Variants in CYLC2 observed in about 807,000 individuals in gnomAD.
The protein encoded by CYLC2 is cylicin-2.
A neutral mutation model predicts 26.1 loss-of-function variants in CYLC2; 30 were observed. That is an observed-to-expected ratio of 1.15 (90% CI 0.86 to 1.56). The LOEUF (loss-of-function observed/expected upper bound fraction) is 1.56, where lower values mean the gene tolerates loss of function less well. CYLC2 is among the 40% of genes most tolerant of loss of function. The pLI is 0.00. For synonymous variants in CYLC2, 158 were observed against 132.8 expected (o/e 1.19, Z -1.31); for missense variants, 498 against 394.4 (o/e 1.26, Z -2.23).
chr9:103,013,502 A>G (rs1156287801), intron 6 of CYLC2, among the ~76,000 whole-genome samples: 3 of 111,476 alleles, frequency 2.7e-5, no homozygotes, highest in Non-Finnish European at 4.9e-5. Flanking sequence ...TACATATATT[A>G]TATTTGTAAG....
chr9:102,998,150 T>C (rs1171215433), intron 1 of CYLC2, among the ~76,000 whole-genome samples: 1 of 151,954 alleles, frequency 6.6e-6, no homozygotes, highest in Non-Finnish European at 1.5e-5. Flanking sequence ...TTAATCTTGG[T>C]AAATATGAGG....
At chr9:102,996,106 C>T (rs1451035962) in intron 1 of CYLC2, among the ~76,000 whole-genome samples, 1 of 151,622 alleles carries the variant, frequency 6.6e-6, no homozygotes, top group African/African-American at 2.4e-5. Context: ...CTTAATTTAG[C>T]AGTATTGTTA....
At chr9:103,016,272 T>C (rs749536204) in intron 6 of CYLC2, among the ~76,000 whole-genome samples, 1 of 151,884 alleles carries the variant, frequency 6.6e-6, no homozygotes, top group East Asian at 1.9e-4. Context: ...TGATAAATTA[T>C]TGGGTAAACA....
Position 103,005,645 on chromosome 9 carries a change from T to A in CYLC2, c.1014T>A (p.Asp338Glu). 3.7e-6 allele frequency: 6 copies of A among 1,611,214 alleles called. No individual in the cohort carries two copies. The highest frequency in any genetic ancestry group is 5.1e-6 in the Non-Finnish European group (6 of 1,179,196). The change falls in exon 5 of 8, where the codon GAT becomes GAA. Residue 338 changes from aspartate (D) to glutamate (E), a missense_variant. Coordinates refer to ENST00000374798, the MANE Select transcript of CYLC2 (RefSeq NM_001340.5). ...KKDAKKNAKK[D>E]EKKDAKKKGK Reference sequence around the variant, plus strand: ...ATGCAAAGAAGAATGCAAAGAAGGATGAAAAGAAGGATGCAAAGAAGAAGG... The same window carrying A: ...ATGCAAAGAAGAATGCAAAGAAGGAAGAAAAGAAGGATGCAAAGAAGAAGG...
At chr9:103,003,541 G>C (rs1829309792) in intron 3 of CYLC2, among the ~76,000 whole-genome samples, 1 of 152,146 alleles carries the variant, frequency 6.6e-6, no homozygotes, top group African/African-American at 2.4e-5. Context: ...TTGAATTAAA[G>C]TAAATTCACA....
Position 103,005,598 on chromosome 9 carries a change from G to T in CYLC2, c.967G>T (p.Ala323Ser). 1.2e-6 allele frequency: 2 copies of T among 1,611,096 alleles called. No individual in the cohort carries two copies. Among genetic ancestry groups the T allele is most frequent in the Non-Finnish European group, 1.7e-6 (2 of 1,178,106 alleles). Residue 323 changes from alanine to serine, a missense_variant, in exon 5 of 8, where the codon GCT (alanine) becomes TCT (serine). Physicochemically the swap from Ala to Ser is moderately conservative, Grantham distance 99. Transcript: ENST00000374798. ...ADSKKDAKKN[A>S]KKDAKKDAKK... Reference sequence around the variant, plus strand: ...TTCAAAGAAGGATGCAAAGAAAAATGCTAAGAAGGATGCAAAGAAGGATGC... The same window carrying T: ...TTCAAAGAAGGATGCAAAGAAAAATTCTAAGAAGGATGCAAAGAAGGATGC...
At chr9:103,004,300 C>G (rs1829316867) in intron 3 of CYLC2, among the ~76,000 whole-genome samples, 1 of 152,014 alleles carries the variant, frequency 6.6e-6, no homozygotes, top group Non-Finnish European at 1.5e-5. Context: ...ATGCCTCAAT[C>G]TGAAACTATT....
chr9:103,017,355 G>T (rs1829517766), intron 7 of CYLC2, among the ~76,000 whole-genome samples: 1 of 151,940 alleles, frequency 6.6e-6, no homozygotes, highest in African/African-American at 2.4e-5. Context: ...ACAAAGTAAA[G>T]GGCATCTGCA....
At chr9:102,998,082 G>T (rs1301351399) in intron 1 of CYLC2, among the ~76,000 whole-genome samples, 1 of 151,920 alleles carries the variant, frequency 6.6e-6, no homozygotes, top group East Asian at 1.9e-4. Context: ...AAATGATTTT[G>T]AAGTGACTGA....
chr9:102,999,393 G>T (rs181674021), intron 1 of CYLC2, among the ~76,000 whole-genome samples: 1 of 151,678 alleles, frequency 6.6e-6, no homozygotes, highest in Non-Finnish European at 1.5e-5. Context: ...AGATGTCACT[G>T]GATATCATAT....
At position 103,005,457 on chromosome 9, in the gene CYLC2, A is replaced by C. The variant is rs373291704; in HGVS notation, c.826A>C (p.Lys276Gln). ...TAAAAAAGGTAAGAAAGATAAGAAG[A>C]AGCCCAGTAGTACAGACAGTGACTC... ...EIKKGKKDKKKPSSTDSDSKD... is the reference protein window; with the variant it reads ...EIKKGKKDKKQPSSTDSDSKD... The change falls in exon 5 of 8, where the codon AAG (lysine) becomes CAG (glutamine). Residue 276 changes from lysine (K) to glutamine (Q), a missense_variant. Lys to Gln is a moderately conservative substitution (Grantham distance 53). Transcript: ENST00000374798. The C allele has an allele frequency of 3.2e-5, 52 of 1,613,296 alleles. No homozygotes were observed. Among genetic ancestry groups the C allele is most frequent in the East Asian group, 6.7e-5 (3 of 44,866 alleles).
chr9:103,009,172 CA>C (rs1454631016), intron 5 of CYLC2, among the ~76,000 whole-genome samples: 1 of 152,090 alleles, frequency 6.6e-6, no homozygotes, highest in Non-Finnish European at 1.5e-5. Flanking sequence ...TAGTCATTCT[CA>C]GCTTACATTT....
chr9:103,005,522 G>A lies in CYLC2; in HGVS notation c.891G>A (p.Thr297=), dbSNP rs1292325701. 1.4e-5 allele frequency: 23 copies of A among 1,611,840 alleles called. No homozygotes were observed. Among genetic ancestry groups the A allele is most frequent in the East Asian group, 4.5e-5 (2 of 44,834 alleles). Residue 297 remains threonine (T), a synonymous_variant, in exon 5 of 8, where the codon ACG becomes ACA. Transcript: ENST00000374798. ...AGAAAGAGTCTAAGAAGGACGCCAC[G>A]AAAGATGCCAAGAAAGTTGCCAAGA... ...DVKKESKKDA[T]KDAKKVAKKD...
intron 1 of CYLC2, among the ~76,000 whole-genome samples, chr9:102,999,027 CTT>C (rs1829263216): frequency 6.6e-6 from 1 of 151,744 alleles, no homozygotes; most frequent in Non-Finnish European, 1.5e-5. Flanking sequence ...TTGATGGACA[CTT>C]GAGTTGCTTT....
chr9:102,999,845 T>A (rs1003456691), intron 1 of CYLC2, among the ~76,000 whole-genome samples: 1 of 151,870 alleles, frequency 6.6e-6, no homozygotes, highest in Admixed American at 6.6e-5. Context: ...CAATTTTATA[T>A]GTTTGTCAGT....
chr9:103,015,967 T>C (rs2118279298), intron 6 of CYLC2, among the ~76,000 whole-genome samples: 1 of 150,250 alleles, frequency 6.7e-6, no homozygotes, highest in African/African-American at 2.4e-5. Flanking sequence ...ATATATAATA[T>C]GTAAGTATAT....
intron 5 of CYLC2, among the ~76,000 whole-genome samples, chr9:103,007,006 A>G (rs892210870): frequency 3.3e-4 from 50 of 152,258 alleles, no homozygotes; most frequent in African/African-American, 1.2e-3. Flanking sequence ...CATGCTTCAT[A>G]ACATCATATT....
intron 6 of CYLC2, among the ~76,000 whole-genome samples, chr9:103,013,969 T>C (rs1373525811): frequency 1.0e-5 from 1 of 97,864 alleles, no homozygotes; most frequent in Non-Finnish European, 2.0e-5. Flanking sequence ...TATATTATTA[T>C]ATTATATATT....
At chr9:103,011,697 A>T (rs1278372700) in intron 5 of CYLC2, among the ~76,000 whole-genome samples, 1 of 152,072 alleles carries the variant, frequency 6.6e-6, no homozygotes, top group Non-Finnish European at 1.5e-5. Flanking sequence ...TCTAAAGTTT[A>T]TTTATGAAAT....
Sources: gnomAD v4.1 joint callset for allele counts (sites outside exome capture counted in the v4.1 genomes callset) on GRCh38, gnomAD v4.1.1 for gene constraint, MANE v1.5 for transcripts, NCBI Gene and HGNC (gene_info 2026-07-23, HGNC 2026-07-21) for gene names.